Variants in OSBPL8 observed in about 807,000 individuals in gnomAD.
OSBPL8 encodes oxysterol binding protein like 8, also known as oxysterol-binding protein-related protein 8.
OSBPL8 carries 59 observed loss-of-function variants against 125.5 expected under a neutral mutation model. The ratio of observed to expected loss-of-function variants is 0.47; its 90% CI spans 0.38 to 0.58. The LOEUF (loss-of-function observed/expected upper bound fraction) is 0.58. Ranked by LOEUF, OSBPL8 falls within the 20% of genes least tolerant of loss-of-function variation. The pLI is 0.00. For missense variants in OSBPL8, 758 were observed against 1,047.8 expected, an observed-to-expected ratio of 0.72 and a Z score of 3.82; for synonymous variants, 330 against 338.9, an observed-to-expected ratio of 0.97 and a Z score of 0.29.
chr12:76,516,732 A>C (rs2137230783), intron 1 of OSBPL8, among the ~76,000 whole-genome samples: 1 of 152,288 alleles, frequency 6.6e-6, no homozygotes, highest in South Asian at 2.1e-4. Context: ...AACCAATAAT[A>C]TGGTTGATGA....
intron 4 of OSBPL8, chr12:76,422,515 C>G (rs1278615697): frequency 2.2e-6 from 1 of 456,208 alleles, no homozygotes; most frequent in Non-Finnish European, 4.4e-6. Context: ...ACAAACCTGG[C>G]AATGAAGGAG....
chr12:76,513,743 G>T (rs1185434919), intron 1 of OSBPL8, among the ~76,000 whole-genome samples: 1 of 136,954 alleles, frequency 7.3e-6, no homozygotes, highest in African/African-American at 2.9e-5. Context: ...CTAACCCCTG[G>T]GTTTTTTTTT....
rs749282729 is a variant in OSBPL8, at chr12:76,361,977, A to C, written c.2329-3166T>G. Among the ~76,000 whole-genome samples, 29 of 152,246 alleles carry C rather than the reference A, an allele frequency of 1.9e-4. 1 individual carries two copies. Among genetic ancestry groups the C allele is most frequent in the Admixed American group, 7.2e-4 (11 of 15,288 alleles). On this transcript the variant is annotated intron_variant, in intron 21 of 23. Coordinates refer to ENST00000261183, the MANE Select transcript of OSBPL8 (RefSeq NM_020841.5). ...GTCAACAACTCGTTCTTTCTTGTTCAGCATTGTAACAAGAAGTATTCTCAA... is the reference window on the plus strand; with the variant it reads ...GTCAACAACTCGTTCTTTCTTGTTCCGCATTGTAACAAGAAGTATTCTCAA...
intron 5 of OSBPL8, among the ~76,000 whole-genome samples, chr12:76,407,839 C>G (rs1381662354): frequency 6.6e-6 from 1 of 151,672 alleles, no homozygotes; most frequent in Non-Finnish European, 1.5e-5. Context: ...CTCCCGTGAA[C>G]AAAAAAGAAA....
At chr12:76,425,803 T>C (rs984266255) in intron 4 of OSBPL8, among the ~76,000 whole-genome samples, 2 of 152,234 alleles carry the variant, frequency 1.3e-5, no homozygotes, top group African/African-American at 4.8e-5. Context: ...ATACCTCTCC[T>C]GGTCATATTC....
At chr12:76,373,295 T>TTTC in intron 18 of OSBPL8, 49 bp downstream of exon 18, 1 of 1,233,908 alleles carries the variant, frequency 8.1e-7, no homozygotes, top group Non-Finnish European at 1.1e-6. Flanking sequence ...ATTTTTTTTT[T>TTTC]CCCACAGAAT....
chr12:76,477,227 T>G (rs184175287), intron 2 of OSBPL8, among the ~76,000 whole-genome samples: 26 of 152,322 alleles, frequency 1.7e-4, no homozygotes, highest in African/African-American at 6.3e-4. Flanking sequence ...CTTTATACTC[T>G]TAGAAACTGT....
intron 15 of OSBPL8, among the ~76,000 whole-genome samples, chr12:76,383,353 GA>G (rs1037292575): frequency 4.0e-5 from 6 of 148,534 alleles, no homozygotes; most frequent in Non-Finnish European, 7.4e-5. Context: ...AACTTAAGGG[GA>G]AAAAAACAAG....
At chr12:76,383,942 T>C (rs1015020504) in intron 15 of OSBPL8, among the ~76,000 whole-genome samples, 2 of 152,110 alleles carry the variant, frequency 1.3e-5, no homozygotes, top group Non-Finnish European at 2.9e-5. Context: ...ATCCCTTAGA[T>C]ACACTGAAAT....
chr12:76,395,279 G>A (rs1440939434), intron 8 of OSBPL8, among the ~76,000 whole-genome samples: 1 of 152,064 alleles, frequency 6.6e-6, no homozygotes, highest in Non-Finnish European at 1.5e-5. Flanking sequence ...GTTGGCTAGG[G>A]TTGTTTGTTT....
At chr12:76,394,194 C>T (rs1338168287) in intron 9 of OSBPL8, among the ~76,000 whole-genome samples, 1 of 152,012 alleles carries the variant, frequency 6.6e-6, no homozygotes, top group East Asian at 1.9e-4. Flanking sequence ...TTAAGTTTTT[C>T]TCTCTCCATA....
chr12:76,462,930 A>C (rs1170297708), intron 2 of OSBPL8, among the ~76,000 whole-genome samples: 1 of 152,182 alleles, frequency 6.6e-6, no homozygotes, highest in Non-Finnish European at 1.5e-5. Flanking sequence ...GGAAAGTAGT[A>C]GGAGATGAGG....
At chr12:76,366,456 T>C (rs186572756) in intron 21 of OSBPL8, 10 of 336,382 alleles carry the variant, frequency 3.0e-5, no homozygotes, top group Non-Finnish European at 4.7e-5. Context: ...TAGCTGATGG[T>C]TTATCGATTT....
At chr12:76,409,117 C>T (rs958275801) in intron 5 of OSBPL8, among the ~76,000 whole-genome samples, 6 of 152,064 alleles carry the variant, frequency 3.9e-5, no homozygotes, top group African/African-American at 1.4e-4. Context: ...TCAAAACTCA[C>T]TACCCGAAAA....
chr12:76,516,918 G>A (rs1224751274), intron 1 of OSBPL8, among the ~76,000 whole-genome samples: 3 of 151,298 alleles, frequency 2.0e-5, no homozygotes, highest in African/African-American at 7.3e-5. Context: ...GGGTTCAAGT[G>A]ATTCTCCTGT....
rs1305075642 is a variant in OSBPL8, at chr12:76,384,164, T to G, written c.1630+90A>C. On this transcript the variant is annotated intron_variant, in intron 15 of 23. Coordinates refer to ENST00000261183, the MANE Select transcript of OSBPL8 (RefSeq NM_020841.5). ...ATACTTAAAATGACAAACTCCTTGT[T>G]GAAAATAGCCCATGACACTGCCTAA... 4 of 629,348 alleles carry G rather than the reference T, an allele frequency of 6.4e-6. No homozygotes were observed. In the Admixed American group the frequency reaches 9.4e-5, roughly 15 times the overall value. 39.0% of individuals were successfully genotyped at this position (629,348 alleles called of 1,614,324 possible).
At chr12:76,394,831 G>C in intron 8 of OSBPL8, 102 bp from the exon 9 acceptor site, 1 of 770,392 alleles carries the variant, frequency 1.3e-6, no homozygotes, top group East Asian at 3.2e-5. Context: ...ATCAGGTATG[G>C]ATTATAATCT....
At chr12:76,442,120 A>C (rs868735336) in intron 4 of OSBPL8, among the ~76,000 whole-genome samples, 3 of 152,190 alleles carry the variant, frequency 2.0e-5, no homozygotes, top group Admixed American at 6.5e-5. Context: ...GGTGTTCTTA[A>C]TGTTCACCTT....
chr12:76,499,852 CAA>C (rs63165360), intron 1 of OSBPL8, among the ~76,000 whole-genome samples: 32 of 145,830 alleles, frequency 2.2e-4, no homozygotes, highest in African/African-American at 6.7e-4. Flanking sequence ...GACTCCATCT[CAA>C]AAAAAAAAAA....
Sources: allele counts gnomAD v4.1 joint callset (sites outside exome capture counted in the v4.1 genomes callset), GRCh38; gene constraint gnomAD v4.1.1; transcripts MANE v1.5; gene names NCBI Gene and HGNC (gene_info 2026-07-23, HGNC 2026-07-21).